WWOX: variants seen among roughly 807,000 people sequenced by gnomAD.
WWOX encodes the protein WW domain containing oxidoreductase.
WWOX carries 69 observed loss-of-function variants against 46.2 expected under a neutral mutation model. The ratio of observed to expected loss-of-function variants is 1.49; its 90% CI spans 1.23 to 1.82. WWOX has a LOEUF of 1.82. WWOX is among the 40% of genes most tolerant of loss of function. The pLI, the probability that WWOX is intolerant of heterozygous loss-of-function variation, is 0.00. For missense variants in WWOX, 919 were observed against 542.6 expected, an observed-to-expected ratio of 1.69 and a Z score of -6.89; for synonymous variants, 359 against 202.6, an observed-to-expected ratio of 1.77 and a Z score of -6.56.
At chr16:79,068,517 G>C (rs920458397) in intron 8 of WWOX, among the ~76,000 whole-genome samples, 2 of 152,032 alleles carry the variant, frequency 1.3e-5, no homozygotes, top group African/African-American at 4.8e-5. Flanking sequence ...TCAAGACAGA[G>C]ACGTGGCTGG....
At chr16:78,719,218 A>G (rs915011474) in intron 8 of WWOX, among the ~76,000 whole-genome samples, 8 of 152,146 alleles carry the variant, frequency 5.3e-5, no homozygotes, top group African/African-American at 1.9e-4. Flanking sequence ...CAGTGCAGGT[A>G]ATGTGTTTAG....
At position 78,545,320 on chromosome 16, in the gene WWOX, G is replaced by A. The variant is rs147475814; in HGVS notation, c.1056+112568G>A. On this transcript the variant is annotated intron_variant, in intron 8 of 8. Transcript: ENST00000566780. Reference sequence around the variant, plus strand: ...TTCTGAGGAAATGGTTACCTGCAGGGCGATTGTGGCCTGCTCCTCGTGGGA... The same window carrying A: ...TTCTGAGGAAATGGTTACCTGCAGGACGATTGTGGCCTGCTCCTCGTGGGA... Among the ~76,000 whole-genome samples the A allele has an allele frequency of 3.3e-3, 499 of 152,218 alleles. 3 individuals carry two copies. Among genetic ancestry groups the A allele is most frequent in the African/African-American group, 0.011 (468 of 41,528 alleles).
At chr16:79,037,508 G>T (rs1471394058) in intron 8 of WWOX, among the ~76,000 whole-genome samples, 1 of 152,110 alleles carries the variant, frequency 6.6e-6, no homozygotes, top group Non-Finnish European at 1.5e-5. Flanking sequence ...GGACTCAGCA[G>T]CTGTCACCTT....
At chr16:78,111,118 A>G (rs2151669638) in intron 3 of WWOX, among the ~76,000 whole-genome samples, 1 of 152,106 alleles carries the variant, frequency 6.6e-6, no homozygotes, top group East Asian at 1.9e-4. Context: ...GTCCACTTGC[A>G]TGGATCCAGT....
intron 8 of WWOX, among the ~76,000 whole-genome samples, chr16:79,082,092 A>G (rs2048770828): frequency 6.6e-6 from 1 of 152,220 alleles, no homozygotes; most frequent in Non-Finnish European, 1.5e-5. Flanking sequence ...ATACAGCATC[A>G]TCAACTACAT....
intron 4 of WWOX, among the ~76,000 whole-genome samples, chr16:78,121,475 C>T (rs971265155): frequency 7.2e-5 from 11 of 152,144 alleles, no homozygotes; most frequent in Middle Eastern, 3.4e-3. Context: ...ATGGAAATCA[C>T]GTGATCAAAG....
At chr16:78,120,839 G>A (rs182492555) in intron 4 of WWOX, among the ~76,000 whole-genome samples, 141 of 152,252 alleles carry the variant, frequency 9.3e-4, no homozygotes, top group African/African-American at 3.1e-3. Flanking sequence ...ATGTAGAGAA[G>A]GGTATTCATT....
chr16:78,573,522 C>G (rs1030716011), intron 8 of WWOX, among the ~76,000 whole-genome samples: 1 of 152,184 alleles, frequency 6.6e-6, no homozygotes, highest in Non-Finnish European at 1.5e-5. Context: ...TTTGTCACAT[C>G]ACTCCTCTGC....
At chr16:78,115,942 C>T (rs569866222) in intron 4 of WWOX, among the ~76,000 whole-genome samples, 1 of 152,236 alleles carries the variant, frequency 6.6e-6, no homozygotes, top group East Asian at 1.9e-4. Context: ...TCCCCCGCAG[C>T]CCTCACACGG....
intron 8 of WWOX, among the ~76,000 whole-genome samples, chr16:79,158,938 C>T (rs538672655): frequency 6.6e-6 from 1 of 152,174 alleles, no homozygotes; most frequent in African/African-American, 2.4e-5. Context: ...ACACCAGGAA[C>T]GTGACATTTA....
chr16:78,251,796 C>A (rs1488039265), intron 5 of WWOX, among the ~76,000 whole-genome samples: 1 of 152,200 alleles, frequency 6.6e-6, no homozygotes, highest in Non-Finnish European at 1.5e-5. Context: ...CCTCTCCCTA[C>A]TCCCCACCCA....
At chr16:78,624,380 T>G (rs1395212658) in intron 8 of WWOX, among the ~76,000 whole-genome samples, 2 of 152,182 alleles carry the variant, frequency 1.3e-5, no homozygotes, top group Admixed American at 6.5e-5. Flanking sequence ...TATTGTCACC[T>G]CTGAAACAAG....
At chr16:78,341,264 C>T (rs1344478684) in intron 5 of WWOX, among the ~76,000 whole-genome samples, 2 of 119,740 alleles carry the variant, frequency 1.7e-5, no homozygotes, top group African/African-American at 5.7e-5. Context: ...CTTGGCCTCC[C>T]AAACTGCTGG....
intron 8 of WWOX, among the ~76,000 whole-genome samples, chr16:78,719,114 A>G (rs1271719503): frequency 1.3e-5 from 2 of 152,188 alleles, no homozygotes; most frequent in South Asian, 2.1e-4. Flanking sequence ...CTGGTTTCAA[A>G]TCCAAGCCCA....
chr16:78,418,572 C>G (rs924852284), intron 6 of WWOX, among the ~76,000 whole-genome samples: 26 of 151,852 alleles, frequency 1.7e-4, no homozygotes, highest in African/African-American at 5.8e-4. Flanking sequence ...TGCTAGCAAG[C>G]CAAATGCAGC....
intron 8 of WWOX, among the ~76,000 whole-genome samples, chr16:78,545,630 G>A (rs1057436301): frequency 6.6e-6 from 1 of 152,312 alleles, no homozygotes; most frequent in East Asian, 1.9e-4. Context: ...TAGCCATTGA[G>A]TCTCTATTCT....
At chr16:78,155,926 A>G (rs1171460631) in intron 4 of WWOX, among the ~76,000 whole-genome samples, 2 of 152,220 alleles carry the variant, frequency 1.3e-5, no homozygotes, top group Non-Finnish European at 2.9e-5. Context: ...CTCTAGAGAT[A>G]TGGTTTACTA....
At chr16:78,788,265 A>G (rs1321761219) in intron 8 of WWOX, among the ~76,000 whole-genome samples, 1 of 152,218 alleles carries the variant, frequency 6.6e-6, no homozygotes, top group Non-Finnish European at 1.5e-5. Flanking sequence ...TATGATATAT[A>G]TAGGGTTCCT....
intron 5 of WWOX, among the ~76,000 whole-genome samples, chr16:78,317,003 A>G (rs117909730): frequency 0.014 from 2,160 of 152,302 alleles, 31 homozygotes; most frequent in Non-Finnish European, 0.021. Flanking sequence ...GATGAAGGAA[A>G]GTTGCTTTTT....
Sources: gnomAD v4.1 joint callset for allele counts (sites outside exome capture counted in the v4.1 genomes callset) on GRCh38, gnomAD v4.1.1 for gene constraint, MANE v1.5 for transcripts, NCBI Gene and HGNC (gene_info 2026-07-23, HGNC 2026-07-21) for gene names.